LTK: variants seen among roughly 807,000 people sequenced by gnomAD.
LTK encodes leukocyte tyrosine kinase receptor.
Under a neutral mutation model 101.5 loss-of-function variants are expected in LTK, and 117 were observed. The observed-to-expected ratio is 1.15, with a 90% CI of 0.99 to 1.34. The LOEUF is 1.34. LTK is among the 40% of genes most tolerant of loss of function. The probability of loss-of-function intolerance (pLI) is 0.00; values close to 1 mark genes in which losing one functional copy is unlikely to be tolerated. For missense variants in LTK, 1,252 were observed against 1,164.7 expected (o/e 1.07, Z -1.09); for synonymous variants, 563 against 494.2 (o/e 1.14, Z -1.85).
rs1339029659 is a variant in LTK, at chr15:41,511,365, A to T, written c.815-19T>A. 2.9e-6 allele frequency: 4 copies of T among 1,360,826 alleles called. No individual in the cohort carries two copies. The highest frequency in any genetic ancestry group is 3.8e-6 in the Non-Finnish European group (4 of 1,064,570). The allele number at this position is 1,360,826 out of a possible 1,614,324, so 84.3% of individuals were successfully genotyped here. On this transcript the variant is annotated intron_variant, in intron 6 of 19. Transcript: ENST00000263800. The surrounding 1 kb of genome is among the most constrained non-coding windows in gnomAD (Gnocchi z 5.9). ...CCACCACCTGCAGAGCGACAGCAGG[A>T]AGGTTGGCAGCCACACGGGGAGCAC...
At chr15:41,512,927 G>A in intron 2 of LTK, 49 bp from the exon 3 acceptor site, 23 of 1,610,640 alleles carry the variant, frequency 1.4e-5, no homozygotes, top group Non-Finnish European at 1.9e-5. Flanking sequence ...GGCTGGGCCA[G>A]AGGGGTCTGG....
At chr15:41,507,739 A>C in intron 9 of LTK, 82 bp from the exon 10 acceptor site, 1 of 1,410,714 alleles carries the variant, frequency 7.1e-7, no homozygotes, top group Non-Finnish European at 9.5e-7. Flanking sequence ...TTCAAGACTC[A>C]GCTCAAGTGT....
chr15:41,506,557 G>A (rs777922552), intron 11 of LTK, among the ~76,000 whole-genome samples: 10 of 151,794 alleles, frequency 6.6e-5, no homozygotes, highest in Non-Finnish European at 1.3e-4. Context: ...CACCTGCCTT[G>A]GCCTCCCAAA....
In LTK at chr15:41,512,175, G is replaced by C; in HGVS notation, c.450C>G (p.Leu150=). The change falls in exon 4 of 20, where the codon CTC becomes CTG. Residue 150 remains leucine (L), a synonymous_variant. Coordinates refer to ENST00000263800, the MANE Select transcript of LTK (RefSeq NM_002344.6). ...HGVFVSAIFS[L]GLGESLYILV... ...GGATGTACAGCGACTCCCCGAGACC[G>C]AGGGAGAAGATTGCTGAGACGAAGA... 1 of 1,613,076 alleles carries C rather than the reference G, an allele frequency of 6.2e-7. No individual in the cohort carries two copies. The highest frequency in any genetic ancestry group is 1.3e-5 in the African/African-American group (1 of 75,006).
chr15:41,511,258 G>C lies in LTK; in HGVS notation c.903C>G (p.Ser301=). 1 of 1,422,898 alleles carries C rather than the reference G, an allele frequency of 7.0e-7. No homozygotes were observed. Among genetic ancestry groups the C allele is most frequent in the South Asian group, 1.4e-5 (1 of 69,146 alleles). 88.1% of individuals were successfully genotyped at this position (1,422,898 alleles called of 1,614,324 possible). The part of the protein sequence containing the change: ...QEGAEGGQGC[S]EAWATLGWAA... Reference sequence around the variant, plus strand: ...CCCAGCCAAGGGTCGCCCAAGCCTCGGAGCAGCCCTGGCCGCCCTCCGCCC... The same window carrying C: ...CCCAGCCAAGGGTCGCCCAAGCCTCCGAGCAGCCCTGGCCGCCCTCCGCCC... Residue 301 remains serine (S), a synonymous_variant, in exon 7 of 20, where the codon TCC becomes TCG. Coordinates refer to ENST00000263800, the MANE Select transcript of LTK (RefSeq NM_002344.6). This position sits in a 1 kb window ranked among gnomAD's most constrained non-coding sequence, Gnocchi z 5.9.
intron 7 of LTK, among the ~76,000 whole-genome samples, chr15:41,510,060 G>A (rs900959198): frequency 2.0e-5 from 3 of 151,948 alleles, no homozygotes; most frequent in South Asian, 4.2e-4. Context: ...AGGCTGGAGT[G>A]CAGTGGCACG....
chr15:41,506,059 A>C (rs2051271494), intron 11 of LTK, 54 bp from the exon 12 acceptor site: 35 of 1,214,682 alleles, frequency 2.9e-5, no homozygotes, highest in Non-Finnish European at 4.1e-5. Flanking sequence ...GAAGAGTCCT[A>C]GAGAGTCTAG....
In LTK at chr15:41,504,849, G is replaced by C. The variant is rs748131904; in HGVS notation, c.2044C>G (p.Arg682Gly). 6.2e-7 allele frequency: 1 copy of C among 1,613,034 alleles called. No individual in the cohort carries two copies. Among genetic ancestry groups the C allele is most frequent in the Non-Finnish European group, 8.5e-7 (1 of 1,179,674 alleles). Reference protein sequence around the residue: ...YRASYYRRGDRALLPVKWMPP... With the variant: ...YRASYYRRGDGALLPVKWMPP... ...ATCCACTTGACTGGGAGCAAGGCCC[G>C]GTCCCCCCTGCGGTAATAACTGGCC... Residue 682 changes from arginine to glycine, a missense_variant, in exon 17 of 20, where the codon CGG becomes GGG. Arg to Gly is a moderately radical substitution (Grantham distance 125). Transcript: ENST00000263800.
At chr15:41,512,094 A>C (rs1445523441) in intron 4 of LTK, 21 bp downstream of exon 4, 19 of 1,542,630 alleles carry the variant, frequency 1.2e-5, no homozygotes, top group Admixed American at 7.8e-5. Flanking sequence ...GCGCCGCCCC[A>C]TCCCCACTGG....
In LTK at chr15:41,512,307, G is replaced by A. The variant is rs993639163; in HGVS notation, c.360-42C>T. ...GTGAGTCCCCGGCCTTCGGTGCTCA[G>A]GCCGGCCGCTCCGGGCAGAAGTTGG... On this transcript the variant is annotated intron_variant, in intron 3 of 19. Coordinates refer to ENST00000263800, the MANE Select transcript of LTK (RefSeq NM_002344.6). 3.1e-6 allele frequency: 5 copies of A among 1,587,572 alleles called. No individual in the cohort carries two copies. The African/African-American group carries it at 5.4e-5, about 17-fold the overall frequency.
At chr15:41,505,608 GC>G in intron 13 of LTK, 78 bp from the exon 14 acceptor site, 1 of 1,604,918 alleles carries the variant, frequency 6.2e-7, no homozygotes, top group East Asian at 2.2e-5. Flanking sequence ...AGCTGGAGAG[GC>G]CCTCTGTGTC....
intron 18 of LTK, 24 bp from the exon 19 acceptor site, chr15:41,504,456 C>T (rs751372402): frequency 1.2e-6 from 2 of 1,613,914 alleles, no homozygotes; most frequent in East Asian, 2.2e-5. Context: ...GGAGTTCATG[C>T]CCACCCATGG....
In LTK at chr15:41,508,201, CCT is replaced by C; in HGVS notation, c.1115_1116del (p.Glu372GlyfsTer27). 1 of 1,612,276 alleles carries C rather than the reference CCT, an allele frequency of 6.2e-7. No individual in the cohort carries two copies. Among genetic ancestry groups the C allele is most frequent in the South Asian group, 1.1e-5 (1 of 90,816 alleles). ...QPLAVTENHG[E>X]VEIRRHLNCS... ...CAGTTGAGGTGCCTTCGGATCTCTA[CCT>C]CTCCGTGGTTCTCGGTGACTGTGAG... On this transcript the variant is annotated frameshift_variant, in exon 9 of 20. Transcript: ENST00000263800. LOFTEE classifies it high-confidence loss of function.
chr15:41,511,385 G>A lies in LTK; in HGVS notation c.814+37C>T. On this transcript the variant is annotated intron_variant, in intron 6 of 19. Transcript: ENST00000263800. This position sits in a 1 kb window ranked among gnomAD's most constrained non-coding sequence, Gnocchi z 5.9. Reference sequence around the variant, plus strand: ...GCAGGAAGGTTGGCAGCCACACGGGGAGCACGCCCGCCTCTCCCCGCGGCC... The same window carrying A: ...GCAGGAAGGTTGGCAGCCACACGGGAAGCACGCCCGCCTCTCCCCGCGGCC... 2 of 1,367,430 alleles carry A rather than the reference G, an allele frequency of 1.5e-6. No individual in the cohort carries two copies. The highest frequency in any genetic ancestry group is 3.1e-5 in the East Asian group (1 of 32,384). The allele number at this position is 1,367,430 out of a possible 1,614,324, so 84.7% of individuals were successfully genotyped here. A position where few individuals can be genotyped will look rare whatever the true frequency, so the allele number is the denominator to read the frequency against.
In LTK at chr15:41,505,195, G is replaced by C. The variant is rs1265372541; in HGVS notation, c.1925+13C>G. The C allele has an allele frequency of 1.9e-6, 3 of 1,612,836 alleles. No homozygotes were observed. Among genetic ancestry groups the C allele is most frequent in the Non-Finnish European group, 2.5e-6 (3 of 1,179,108 alleles). On this transcript the variant is annotated intron_variant, in intron 15 of 19. Coordinates refer to ENST00000263800, the MANE Select transcript of LTK (RefSeq NM_002344.6). ...TTGGGATGGGGGTCCCCTGAGCCAG[G>C]ACTGCTCCTAACCTGTGGATGAAGT...
intron 17 of LTK, 30 bp downstream of exon 17, chr15:41,504,743 T>A (rs1566862461): frequency 1.3e-6 from 2 of 1,586,874 alleles, no homozygotes; most frequent in African/African-American, 1.3e-5. Context: ...AGGGGAACAG[T>A]GGGGAAGGGG....
Position 41,505,466 on chromosome 15 carries a change from T to C in LTK, c.1762A>G (p.Ile588Val). The C allele has an allele frequency of 6.2e-7, 1 of 1,614,046 alleles. No individual in the cohort carries two copies. Among genetic ancestry groups the C allele is most frequent in the Non-Finnish European group, 8.5e-7 (1 of 1,179,990 alleles). ...CCTCCAGACATCAGTTCCAGCAGAATGAGGCGAGGGGTGGCCCTGAGGCTG... is the reference window on the plus strand; with the variant it reads ...CCTCCAGACATCAGTTCCAGCAGAACGAGGCGAGGGGTGGCCCTGAGGCTG... ...GLSLRATPRL[I>V]LLELMSGGDM... The change falls in exon 14 of 20, where the codon ATT (isoleucine) becomes GTT (valine). Residue 588 changes from isoleucine to valine, a missense_variant. By Grantham distance (29) the Ile-to-Val change is conservative. Transcript: ENST00000263800.
intron 7 of LTK, among the ~76,000 whole-genome samples, chr15:41,510,206 C>T (rs535239949): frequency 1.3e-5 from 2 of 150,792 alleles, no homozygotes; most frequent in East Asian, 2.0e-4. Flanking sequence ...GGGGGTTTCA[C>T]CATATTGGCC....
At chr15:41,513,525 G>T in intron 1 of LTK, 142 bp downstream of exon 1, 1 of 783,556 alleles carries the variant, frequency 1.3e-6, no homozygotes, top group South Asian at 1.5e-5. Context: ...CCGCACTCCA[G>T]AAGCACGGAC....
Sources: gnomAD v4.1 joint callset for allele counts (sites outside exome capture counted in the v4.1 genomes callset) on GRCh38, gnomAD v4.1.1 for gene constraint, Gnocchi (gnomAD v3.1) non-coding constraint, MANE v1.5 for transcripts, NCBI Gene and HGNC (gene_info 2026-07-23, HGNC 2026-07-21) for gene names.